MACROD2: variants seen among roughly 807,000 people sequenced by gnomAD.
MACROD2 encodes the protein ADP-ribose glycohydrolase MACROD2.
MACROD2 carries 36 observed loss-of-function variants against 70.4 expected under a neutral mutation model. That is an observed-to-expected ratio of 0.51 (90% CI 0.39 to 0.68). MACROD2 has a LOEUF of 0.68. Among genes scored for constraint, MACROD2 ranks in the 30% least tolerant of loss-of-function variants. MACROD2 has a pLI of 0.00. For missense variants in MACROD2, 496 were observed against 538.4 expected (o/e 0.92, Z 0.78); for synonymous variants, 172 against 178.8 (o/e 0.96, Z 0.30).
intron 2 of MACROD2, among the ~76,000 whole-genome samples, chr20:14,085,239 A>T (rs73082900): frequency 3.3e-5 from 5 of 151,674 alleles, no homozygotes; most frequent in Admixed American, 6.6e-5. Flanking sequence ...CTTATCAAGG[A>T]TGCCTTTTAG....
intron 2 of MACROD2, among the ~76,000 whole-genome samples, chr20:14,022,076 A>G (rs1285263311): frequency 6.6e-6 from 1 of 152,210 alleles, no homozygotes; most frequent in Non-Finnish European, 1.5e-5. Flanking sequence ...GTTATATGTT[A>G]TAGGAAGAGG....
chr20:15,415,991 A>G (rs1205303331), intron 6 of MACROD2, among the ~76,000 whole-genome samples: 1 of 152,182 alleles, frequency 6.6e-6, no homozygotes, highest in Non-Finnish European at 1.5e-5. Flanking sequence ...TAGAGCATTT[A>G]TTTAGTGAAT....
At position 15,170,272 on chromosome 20, in the gene MACROD2, A is replaced by G. The variant is rs556776273; in HGVS notation, c.419-59668A>G. ...TAGGAAGAAAAACCACATGAATATT[A>G]TGCAATAAGGGACTTACTAGTGACC... is the stretch of plus-strand genomic sequence containing the variant. On this transcript the variant is annotated intron_variant, in intron 5 of 17. Coordinates refer to ENST00000684519, the MANE Select transcript of MACROD2 (RefSeq NM_001351661.2). Among the ~76,000 whole-genome samples the G allele has an allele frequency of 1.3e-4, 20 of 152,346 alleles. No homozygotes were observed. In the South Asian group the frequency reaches 3.7e-3, roughly 28 times the overall value.
At chr20:15,251,776 G>A (rs1355845324) in intron 6 of MACROD2, among the ~76,000 whole-genome samples, 2 of 152,074 alleles carry the variant, frequency 1.3e-5, no homozygotes, top group Non-Finnish European at 2.9e-5. Flanking sequence ...TCTTAATCAA[G>A]TTACTATTTT....
intron 8 of MACROD2, among the ~76,000 whole-genome samples, chr20:15,826,140 C>T (rs2063994846): frequency 6.6e-6 from 1 of 152,158 alleles, no homozygotes; most frequent in South Asian, 2.1e-4. Context: ...AAGTTTTGCA[C>T]AGATATTTGT....
At chr20:15,866,404 A>G (rs920178492) in intron 9 of MACROD2, among the ~76,000 whole-genome samples, 1 of 149,454 alleles carries the variant, frequency 6.7e-6, no homozygotes, top group Admixed American at 6.6e-5. Context: ...TCTAAAAAAT[A>G]TAAATAAATA....
chr20:15,461,165 G>T (rs2046814235), intron 7 of MACROD2, among the ~76,000 whole-genome samples: 1 of 151,296 alleles, frequency 6.6e-6, no homozygotes, highest in Non-Finnish European at 1.5e-5. Context: ...ATGCCACCAT[G>T]CCTGGCTCTG....
intron 2 of MACROD2, among the ~76,000 whole-genome samples, chr20:14,075,541 T>G (rs2053906605): frequency 6.6e-6 from 1 of 152,198 alleles, no homozygotes; most frequent in South Asian, 2.1e-4. Flanking sequence ...AAACTTAAGA[T>G]CTTTCCAAAG....
chr20:15,063,677 A>C (rs894436903), intron 5 of MACROD2, among the ~76,000 whole-genome samples: 29 of 152,214 alleles, frequency 1.9e-4, no homozygotes, highest in Non-Finnish European at 4.0e-4. Context: ...AGCCAGCCAC[A>C]CATATTGTGT....
At chr20:14,455,346 A>T (rs2084289590) in intron 3 of MACROD2, among the ~76,000 whole-genome samples, 2 of 151,962 alleles carry the variant, frequency 1.3e-5, no homozygotes, top group Non-Finnish European at 1.5e-5. Flanking sequence ...TATTTTATGT[A>T]TTAAAAACTA....
intron 5 of MACROD2, among the ~76,000 whole-genome samples, chr20:15,107,960 C>G (rs2075924194): frequency 6.6e-6 from 1 of 150,636 alleles, no homozygotes; most frequent in African/African-American, 2.4e-5. Flanking sequence ...TCAGCAAGTC[C>G]TATGGACTCT....
chr20:15,746,422 A>G (rs2051183723), intron 8 of MACROD2, among the ~76,000 whole-genome samples: 1 of 151,978 alleles, frequency 6.6e-6, no homozygotes, highest in African/African-American at 2.4e-5. Context: ...AGTTATATGA[A>G]TATAATCATA....
intron 10 of MACROD2, among the ~76,000 whole-genome samples, chr20:15,923,948 A>G (rs1257237260): frequency 6.6e-6 from 1 of 152,216 alleles, no homozygotes; most frequent in Non-Finnish European, 1.5e-5. Context: ...AGAGAGATTA[A>G]ATACACATAG....
chr20:15,488,976 C>T (rs747208682), intron 7 of MACROD2, among the ~76,000 whole-genome samples: 2 of 152,088 alleles, frequency 1.3e-5, no homozygotes, highest in Non-Finnish European at 1.5e-5. Context: ...AAATACCCTC[C>T]GAAATAGACA....
At chr20:14,213,361 C>CAAAGAAAAAA (rs2081586196) in intron 3 of MACROD2, among the ~76,000 whole-genome samples, 1 of 30,262 alleles carries the variant, frequency 3.3e-5, no homozygotes, top group Non-Finnish European at 5.4e-5. Context: ...CTTCTAGTGG[C>CAAAGAAAAAA]AAAAAAAAAA....
intron 4 of MACROD2, among the ~76,000 whole-genome samples, chr20:14,576,926 A>G (rs533117145): frequency 1.3e-5 from 2 of 152,368 alleles, no homozygotes; most frequent in East Asian, 1.9e-4. Context: ...CTCAAACTTT[A>G]TAAATATACC....
At chr20:15,959,439 C>T (rs1295006773) in intron 12 of MACROD2, among the ~76,000 whole-genome samples, 1 of 152,148 alleles carries the variant, frequency 6.6e-6, no homozygotes, top group African/African-American at 2.4e-5. Context: ...TTCGTGAGTA[C>T]TGTACAGTTT....
rs1024640466 is a variant in MACROD2 at position 14,867,416 on chromosome 20, G to C, written c.418+182457G>C. On this transcript the variant is annotated intron_variant, in intron 5 of 17. Coordinates refer to ENST00000684519, the MANE Select transcript of MACROD2 (RefSeq NM_001351661.2). ...TCTTTGAAGTGTAAATGTTGTTTCAGTTGAATTTTTTTTCTAGTACACTTG... is the reference window on the plus strand; with the variant it reads ...TCTTTGAAGTGTAAATGTTGTTTCACTTGAATTTTTTTTCTAGTACACTTG... Among the ~76,000 whole-genome samples the C allele has an allele frequency of 1.8e-4, 28 of 152,058 alleles. 1 individual carries two copies. Among genetic ancestry groups the C allele is most frequent in the Admixed American group, 3.3e-4 (5 of 15,248 alleles).
chr20:14,689,788 G>A (rs529905481), intron 5 of MACROD2, among the ~76,000 whole-genome samples: 9 of 152,176 alleles, frequency 5.9e-5, no homozygotes, highest in South Asian at 2.1e-4. Context: ...CACTTGTCAC[G>A]TGCTACCTTT....
Sources: allele counts gnomAD v4.1 joint callset (sites outside exome capture counted in the v4.1 genomes callset), GRCh38; gene constraint gnomAD v4.1.1; transcripts MANE v1.5; gene names NCBI Gene and HGNC (gene_info 2026-07-23, HGNC 2026-07-21).